Variants in PLCB1 observed in about 807,000 individuals in gnomAD.
PLCB1 encodes phospholipase C beta 1.
Under a neutral mutation model 161.8 loss-of-function variants are expected in PLCB1, and 46 were observed. The ratio of observed to expected loss-of-function variants is 0.28; its 90% CI spans 0.22 to 0.36. The LOEUF is 0.36. PLCB1 is among the 10% of genes least tolerant of loss of function. The probability of loss-of-function intolerance (pLI) is 1.00; values close to 1 mark genes in which losing one functional copy is unlikely to be tolerated. For missense variants in PLCB1, 1,016 were observed against 1,472.5 expected (o/e 0.69, Z 5.07); for synonymous variants, 517 against 503.7 (o/e 1.03, Z -0.35).
intron 2 of PLCB1, among the ~76,000 whole-genome samples, chr20:8,330,343 A>G (rs1483372795): frequency 6.6e-6 from 1 of 152,172 alleles, no homozygotes; most frequent in Non-Finnish European, 1.5e-5. Flanking sequence ...CACAGCTGTA[A>G]CTGGTAAAGG....
intron 4 of PLCB1, among the ~76,000 whole-genome samples, chr20:8,640,149 A>C (rs1344011417): frequency 1.3e-5 from 2 of 152,216 alleles, no homozygotes; most frequent in East Asian, 3.8e-4. Context: ...CAAATGAGAA[A>C]ATTATATTTC....
At chr20:8,619,181 G>C (rs567747139) in intron 3 of PLCB1, among the ~76,000 whole-genome samples, 5 of 152,192 alleles carry the variant, frequency 3.3e-5, no homozygotes, top group Admixed American at 2.6e-4. Context: ...TCATGCCTGG[G>C]AAGCTGAGGC....
chr20:8,835,840 A>G (rs551504847), intron 31 of PLCB1, among the ~76,000 whole-genome samples: 2 of 151,486 alleles, frequency 1.3e-5, no homozygotes, highest in South Asian at 4.2e-4. Context: ...ATAACAAACC[A>G]CTTCAAAACT....
intron 2 of PLCB1, among the ~76,000 whole-genome samples, chr20:8,345,535 A>T (rs564879266): frequency 1.3e-5 from 2 of 152,186 alleles, no homozygotes; most frequent in Non-Finnish European, 2.9e-5. Context: ...TTTCTGGTCC[A>T]GGCACTGTCC....
intron 9 of PLCB1, among the ~76,000 whole-genome samples, chr20:8,674,568 C>G (rs1364974137): frequency 6.6e-6 from 1 of 152,150 alleles, no homozygotes; most frequent in East Asian, 1.9e-4. Flanking sequence ...CGAGGAGGAA[C>G]TCTCTAAGGC....
At chr20:8,404,953 A>T (rs972860358) in intron 3 of PLCB1, among the ~76,000 whole-genome samples, 1 of 152,170 alleles carries the variant, frequency 6.6e-6, no homozygotes, top group Admixed American at 6.5e-5. Flanking sequence ...CTTAATTCCT[A>T]CATGTTAGTC....
chr20:8,216,227 A>G (rs999267718), intron 2 of PLCB1, among the ~76,000 whole-genome samples: 8 of 152,102 alleles, frequency 5.3e-5, no homozygotes, highest in African/African-American at 1.9e-4. Context: ...TTATAATTGA[A>G]AGCACCCATC....
chr20:8,468,184 G>A (rs1034472263), intron 3 of PLCB1, among the ~76,000 whole-genome samples: 17 of 152,292 alleles, frequency 1.1e-4, no homozygotes, highest in East Asian at 3.9e-4. Context: ...TGGAAGAAGC[G>A]TGAGGGAGCC....
At chr20:8,240,656 C>A (rs1227677128) in intron 2 of PLCB1, among the ~76,000 whole-genome samples, 1 of 151,930 alleles carries the variant, frequency 6.6e-6, no homozygotes, top group Non-Finnish European at 1.5e-5. Context: ...GCCAACTTAT[C>A]CTTCAAGATG....
intron 3 of PLCB1, among the ~76,000 whole-genome samples, chr20:8,607,366 T>C (rs1987786656): frequency 6.6e-6 from 1 of 152,226 alleles, no homozygotes. Context: ...CCTAATGGAC[T>C]TCTTTTGTGT....
intron 3 of PLCB1, among the ~76,000 whole-genome samples, chr20:8,439,244 TGTC>T (rs1196519725): frequency 1.3e-5 from 2 of 152,124 alleles, no homozygotes; most frequent in Non-Finnish European, 2.9e-5. Flanking sequence ...CTAAAATACT[TGTC>T]GTAAAGGTGC....
chr20:8,737,841 C>A (rs961839538), intron 20 of PLCB1, among the ~76,000 whole-genome samples: 22 of 152,336 alleles, frequency 1.4e-4, no homozygotes, highest in African/African-American at 4.8e-4. Flanking sequence ...CGGAAACTCT[C>A]TGTGCTCTGG....
At chr20:8,375,068 T>C (rs1179216813) in intron 3 of PLCB1, among the ~76,000 whole-genome samples, 2 of 152,232 alleles carry the variant, frequency 1.3e-5, no homozygotes, top group African/African-American at 4.8e-5. Context: ...ATTCCAGATC[T>C]TCTTTTCTGT....
chr20:8,507,008 A>G (rs537189177), intron 3 of PLCB1, among the ~76,000 whole-genome samples: 2 of 152,326 alleles, frequency 1.3e-5, no homozygotes, highest in African/African-American at 4.8e-5. Context: ...CCTACTGTTG[A>G]CCAGGAGCCT....
chr20:8,733,645 G>T (rs986154817), intron 19 of PLCB1, among the ~76,000 whole-genome samples: 13 of 142,326 alleles, frequency 9.1e-5, no homozygotes, highest in South Asian at 6.3e-4. Flanking sequence ...GTTGTGGGGT[G>T]GGGGGAGCGG....
Position 8,733,284 on chromosome 20 carries a change from G to A in PLCB1, c.1935G>A (p.Lys645=). 6.2e-7 allele frequency: 1 copy of A among 1,613,952 alleles called. No homozygotes were observed. Among genetic ancestry groups the A allele is most frequent in the South Asian group, 1.1e-5 (1 of 91,084 alleles). ...INMGMYEYNG[K]SGYRLKPEFM... The stretch of plus-strand genomic sequence containing the variant: ...TGGGGATGTATGAATACAACGGGAA[G>A]AGTGGCTACAGATTGAAGCCAGAGT... Residue 645 remains lysine (K), a synonymous_variant, in exon 19 of 32, where the codon AAG becomes AAA. Transcript: ENST00000338037.
chr20:8,516,987 C>T (rs1298060223), intron 3 of PLCB1, among the ~76,000 whole-genome samples: 1 of 151,894 alleles, frequency 6.6e-6, no homozygotes, highest in African/African-American at 2.4e-5. Flanking sequence ...GGGTGTATGC[C>T]AGATTTCACA....
chr20:8,838,603 A>G (rs1183949883), intron 31 of PLCB1, among the ~76,000 whole-genome samples: 1 of 152,234 alleles, frequency 6.6e-6, no homozygotes, highest in Non-Finnish European at 1.5e-5. Context: ...GGGAAAGGCC[A>G]AGTGGGAGCC....
chr20:8,401,198 C>T (rs1488821448), intron 3 of PLCB1, among the ~76,000 whole-genome samples: 1 of 152,088 alleles, frequency 6.6e-6, no homozygotes. Flanking sequence ...ATCCTTTGCC[C>T]ATTTTCCAAT....
Sources: allele counts gnomAD v4.1 joint callset (sites outside exome capture counted in the v4.1 genomes callset), GRCh38; gene constraint gnomAD v4.1.1; transcripts MANE v1.5; gene names NCBI Gene and HGNC (gene_info 2026-07-23, HGNC 2026-07-21).